The following PACRG variants were observed in gnomAD, a reference collection of about 807,000 sequenced individuals.
PACRG encodes the protein parkin coregulated, also known as parkin coregulated gene protein.
PACRG carries 29 observed loss-of-function variants against 29.7 expected under a neutral mutation model. The observed-to-expected ratio is 0.98, with a 90% CI of 0.73 to 1.33. The LOEUF is 1.33. Among genes scored for constraint, PACRG ranks in the 40% most tolerant of loss-of-function variants. PACRG has a pLI of 0.00. For synonymous variants in PACRG, 116 were observed against 118.7 expected (o/e 0.98, Z 0.15); for missense variants, 279 against 316.2 (o/e 0.88, Z 0.89).
chr6:163,063,310 G>T lies in PACRG; in HGVS notation c.463+989G>T, dbSNP rs141189158. Among the ~76,000 whole-genome samples, 77 of 152,184 alleles carry T rather than the reference G, an allele frequency of 5.1e-4. 2 individuals are homozygous for T. In the East Asian group the frequency reaches 0.012, roughly 24 times the overall value. ...CCAACTGCCCATGGCTTCGAGGGGT[G>T]AGGAGGCCCCTGCTCCCCCCGCCCC... is the stretch of plus-strand genomic sequence containing the variant. On this transcript the variant is annotated intron_variant, in intron 3 of 4. Transcript: ENST00000366888.
At position 162,759,611 on chromosome 6, in the gene PACRG, T is replaced by G. The variant is rs374489489; in HGVS notation, c.156+31220T>G. ...TAATAGTTGTGGTGACTCATATCTT[T>G]CTCACTACTTTGACCAGGTCTGAAT... On this transcript the variant is annotated intron_variant, in intron 1 of 4. Coordinates refer to ENST00000366888, the MANE Select transcript of PACRG (RefSeq NM_001080379.2). Among the ~76,000 whole-genome samples, 10 of 152,328 alleles carry G rather than the reference T, an allele frequency of 6.6e-5. No homozygotes were observed. In the East Asian group the frequency reaches 1.9e-3, roughly 29 times the overall value.
chr6:163,020,173 G>C lies in PACRG; in HGVS notation c.292-41977G>C, dbSNP rs553073801. On this transcript the variant is annotated intron_variant, in intron 2 of 4. Transcript: ENST00000366888. ...CCAGGAATGGTGTGATCTTAAGGCT[G>C]ACTGCCAAGAGCACAGGCCAGCTGT... is the stretch of plus-strand genomic sequence containing the variant. 1.4e-4 allele frequency among the ~76,000 whole-genome samples: 21 copies of C among 152,212 alleles called. 1 individual carries two copies. Among genetic ancestry groups the C allele is most frequent in the Non-Finnish European group, 2.6e-4 (18 of 68,030 alleles).
chr6:162,790,193 T>C (rs960614633), intron 1 of PACRG, among the ~76,000 whole-genome samples: 1 of 152,198 alleles, frequency 6.6e-6, no homozygotes, highest in Non-Finnish European at 1.5e-5. Context: ...CCTTGCATAA[T>C]GTTGGCATGA....
At chr6:163,261,046 C>A (rs1783306377) in intron 4 of PACRG, among the ~76,000 whole-genome samples, 1 of 152,030 alleles carries the variant, frequency 6.6e-6, no homozygotes, top group Non-Finnish European at 1.5e-5. Context: ...GAGTTCGAAT[C>A]CTTCCAAAAA....
chr6:163,008,437 T>C (rs140686049), intron 2 of PACRG, among the ~76,000 whole-genome samples: 74 of 152,066 alleles, frequency 4.9e-4, no homozygotes, highest in Non-Finnish European at 9.0e-4. Context: ...AGCGTGTGTT[T>C]TCCAGATTCT....
At chr6:163,138,475 A>T (rs535315953) in intron 4 of PACRG, among the ~76,000 whole-genome samples, 92 of 152,316 alleles carry the variant, frequency 6.0e-4, no homozygotes, top group Admixed American at 1.5e-3. Flanking sequence ...TCCAGTGAAC[A>T]GGGGAGAAGG....
intron 4 of PACRG, among the ~76,000 whole-genome samples, chr6:163,131,315 C>CAAAAAAA (rs55958953): frequency 1.5e-4 from 20 of 136,198 alleles, no homozygotes; most frequent in African/African-American, 3.8e-4. Flanking sequence ...CTGTCTCAAA[C>CAAAAAAA]AAAAAAAAAA....
chr6:163,276,686 G>A (rs1784040367), intron 4 of PACRG, among the ~76,000 whole-genome samples: 1 of 152,196 alleles, frequency 6.6e-6, no homozygotes, highest in South Asian at 2.1e-4. Flanking sequence ...TGAGGGCTCT[G>A]CCCTCATGAA....
At chr6:162,887,264 T>A (rs75561663) in intron 2 of PACRG, among the ~76,000 whole-genome samples, 310 of 152,304 alleles carry the variant, frequency 2.0e-3, no homozygotes, top group African/African-American at 6.7e-3. Flanking sequence ...CCAGTTATGT[T>A]TGAATGGTTG....
At chr6:163,205,524 C>A (rs1384578680) in intron 4 of PACRG, among the ~76,000 whole-genome samples, 3 of 152,184 alleles carry the variant, frequency 2.0e-5, no homozygotes, top group Non-Finnish European at 4.4e-5. Context: ...AAGATTCAAA[C>A]TGGACCCCTT....
Position 163,102,967 on chromosome 6 carries a change from A to ATTGTT in PACRG, c.613+13559_613+13560insTTGTT, listed in dbSNP as rs549518578. 6.6e-5 allele frequency among the ~76,000 whole-genome samples: 10 copies of ATTGTT among 152,350 alleles called. No individual in the cohort carries two copies. The South Asian group carries it at 2.1e-3, about 32-fold the overall frequency. On this transcript the variant is annotated intron_variant, in intron 4 of 4. Coordinates refer to ENST00000366888, the MANE Select transcript of PACRG (RefSeq NM_001080379.2). ...TGTCTTTTTTTTCACTGCTTTATCA[A>ATTGTT]CAGCTCAGCAATTGTTCTTAGCACT...
chr6:163,273,182 C>T (rs1395974352), intron 4 of PACRG, among the ~76,000 whole-genome samples: 3 of 146,634 alleles, frequency 2.0e-5, no homozygotes, highest in Non-Finnish European at 1.5e-5. Flanking sequence ...CGTGAGCCAC[C>T]GCGCCCGGCC....
chr6:162,903,004 T>C (rs1033552901), intron 2 of PACRG, among the ~76,000 whole-genome samples: 3 of 152,202 alleles, frequency 2.0e-5, no homozygotes, highest in African/African-American at 7.2e-5. Context: ...TTCCCAGCTG[T>C]TGGAGTAAAG....
intron 2 of PACRG, among the ~76,000 whole-genome samples, chr6:163,009,022 C>G (rs912232154): frequency 6.6e-6 from 1 of 152,122 alleles, no homozygotes; most frequent in African/African-American, 2.4e-5. Context: ...CTTTCCAGAT[C>G]CAACAGACTT....
intron 4 of PACRG, among the ~76,000 whole-genome samples, chr6:163,212,622 G>T (rs1781194682): frequency 6.6e-6 from 1 of 152,050 alleles, no homozygotes; most frequent in South Asian, 2.1e-4. Flanking sequence ...ATAACCCATA[G>T]ACTACATTAG....
At chr6:163,199,459 A>G (rs1780606705) in intron 4 of PACRG, among the ~76,000 whole-genome samples, 1 of 152,060 alleles carries the variant, frequency 6.6e-6, no homozygotes, top group African/African-American at 2.4e-5. Context: ...CAACCCTATA[A>G]CCCAGGGACT....
intron 1 of PACRG, among the ~76,000 whole-genome samples, chr6:162,754,257 T>C (rs1781728527): frequency 6.6e-6 from 1 of 152,238 alleles, no homozygotes; most frequent in African/African-American, 2.4e-5. Context: ...TTTTTTCATA[T>C]ACTTGTCAGC....
chr6:163,071,563 A>G (rs1175748611), intron 3 of PACRG, among the ~76,000 whole-genome samples: 1 of 152,070 alleles, frequency 6.6e-6, no homozygotes, highest in Non-Finnish European at 1.5e-5. Flanking sequence ...GGAAATGTAT[A>G]GCTGTAAGGC....
chr6:163,019,450 C>A (rs1464457511), intron 2 of PACRG, among the ~76,000 whole-genome samples: 6 of 152,086 alleles, frequency 3.9e-5, no homozygotes, highest in Non-Finnish European at 5.9e-5. Context: ...GGATTTTATC[C>A]CTTTGCTTTC....
Sources: gnomAD v4.1 joint callset for allele counts (sites outside exome capture counted in the v4.1 genomes callset) on GRCh38, gnomAD v4.1.1 for gene constraint, MANE v1.5 for transcripts, NCBI Gene and HGNC (gene_info 2026-07-23, HGNC 2026-07-21) for gene names.